Variants in ARHGAP15 observed in about 807,000 individuals in gnomAD.
ARHGAP15 encodes rho GTPase-activating protein 15.
A neutral mutation model predicts 63.7 loss-of-function variants in ARHGAP15; 51 were observed. The observed-to-expected ratio is 0.80, with a 90% CI of 0.64 to 1.01. ARHGAP15 has a LOEUF of 1.01. ARHGAP15 is among the 50% of genes least tolerant of loss of function. The probability of loss-of-function intolerance (pLI) is 0.00; values close to 1 mark genes in which losing one functional copy is unlikely to be tolerated. For missense variants in ARHGAP15, 560 were observed against 564.6 expected, an observed-to-expected ratio of 0.99 and a Z score of 0.08; for synonymous variants, 191 against 193.8, an observed-to-expected ratio of 0.99 and a Z score of 0.12.
chr2:143,638,564 G>C (rs1292949260), intron 12 of ARHGAP15, among the ~76,000 whole-genome samples: 1 of 149,648 alleles, frequency 6.7e-6, no homozygotes, highest in Non-Finnish European at 1.5e-5. Flanking sequence ...TGACGAGTTA[G>C]TGGGTGCAGC....
At chr2:143,475,801 A>G (rs1333678012) in intron 8 of ARHGAP15, among the ~76,000 whole-genome samples, 3 of 152,272 alleles carry the variant, frequency 2.0e-5, no homozygotes, top group African/African-American at 7.2e-5. Context: ...ATCGTTGTCT[A>G]GAACATTCAA....
intron 6 of ARHGAP15, among the ~76,000 whole-genome samples, chr2:143,286,617 C>A (rs540889799): frequency 1.3e-5 from 2 of 152,192 alleles, no homozygotes; most frequent in East Asian, 3.9e-4. Flanking sequence ...GAAAAATTGC[C>A]ATGGTTCTAA....
chr2:143,171,952 C>T (rs1233980935), intron 2 of ARHGAP15: 3 of 152,110 alleles, frequency 2.0e-5, no homozygotes, highest in Non-Finnish European at 4.4e-5. Context: ...TTTCTCCACT[C>T]ACCATCTTTA....
intron 6 of ARHGAP15, among the ~76,000 whole-genome samples, chr2:143,357,220 AAC>A (rs1685849141): frequency 6.6e-6 from 1 of 152,190 alleles, no homozygotes; most frequent in Non-Finnish European, 1.5e-5. Flanking sequence ...TCAGGCAGAC[AAC>A]AGTTTAAGTA....
Position 143,202,218 on chromosome 2 carries a change from A to T in ARHGAP15, c.234+16A>T. 1 of 1,593,398 alleles carries T rather than the reference A, an allele frequency of 6.3e-7. No individual in the cohort carries two copies. The highest frequency in any genetic ancestry group is 8.6e-7 in the Non-Finnish European group (1 of 1,161,650). ...GGAACAACTGGTGAGTGTTTAAGTC[A>T]TTATATTCTTCATCTACTGATACAA... On this transcript the variant is annotated intron_variant, in intron 3 of 13. Coordinates refer to ENST00000295095, the MANE Select transcript of ARHGAP15 (RefSeq NM_018460.4).
intron 6 of ARHGAP15, among the ~76,000 whole-genome samples, chr2:143,423,184 T>TC (rs2105057771): frequency 6.6e-6 from 1 of 152,252 alleles, no homozygotes; most frequent in East Asian, 1.9e-4. Flanking sequence ...TGATACAACC[T>TC]TAGAAGGCAG....
chr2:143,478,305 T>C (rs893024589), intron 8 of ARHGAP15, among the ~76,000 whole-genome samples: 3 of 152,204 alleles, frequency 2.0e-5, no homozygotes, highest in African/African-American at 7.2e-5. Flanking sequence ...TTACCTAAGA[T>C]GACTCTTTTT....
At chr2:143,616,414 T>C (rs550840278) in intron 11 of ARHGAP15, among the ~76,000 whole-genome samples, 1 of 152,222 alleles carries the variant, frequency 6.6e-6, no homozygotes, top group Admixed American at 6.5e-5. Context: ...TCCACCTCCT[T>C]CCAAGAGAGT....
intron 2 of ARHGAP15, among the ~76,000 whole-genome samples, chr2:143,173,268 T>C (rs773154874): frequency 3.9e-5 from 6 of 152,094 alleles, no homozygotes; most frequent in African/African-American, 1.4e-4. Context: ...TATAATCATA[T>C]ACAAATATGC....
intron 6 of ARHGAP15, among the ~76,000 whole-genome samples, chr2:143,358,959 T>C (rs548862784): frequency 7.2e-5 from 11 of 151,840 alleles, no homozygotes; most frequent in African/African-American, 2.7e-4. Context: ...TGCATACATA[T>C]CTAGTAAATT....
rs1157527108 is a variant in ARHGAP15, at chr2:143,366,209, A to AT, written c.475-69386dup. Among the ~76,000 whole-genome samples the AT allele has an allele frequency of 9.9e-5, 15 of 151,780 alleles. No homozygotes were observed. The South Asian group carries it at 2.3e-3, about 23-fold the overall frequency. On this transcript the variant is annotated intron_variant, in intron 6 of 13. Coordinates refer to ENST00000295095, the MANE Select transcript of ARHGAP15 (RefSeq NM_018460.4). The stretch of plus-strand genomic sequence containing the variant: ...GTATCCTCACAGCATTAAATATGCT[A>AT]TTTTTTCAAGTAACAGATCCTGTAT...
intron 11 of ARHGAP15, among the ~76,000 whole-genome samples, chr2:143,619,482 A>G (rs2105232805): frequency 6.6e-6 from 1 of 152,272 alleles, no homozygotes; most frequent in Non-Finnish European, 1.5e-5. Context: ...ACCAAAATGG[A>G]TTTAAGATAA....
At chr2:143,141,251 G>A (rs1689350233) in intron 1 of ARHGAP15, among the ~76,000 whole-genome samples, 1 of 152,052 alleles carries the variant, frequency 6.6e-6, no homozygotes, top group South Asian at 2.1e-4. Context: ...TCATGGCCTG[G>A]GGGAGTTCAA....
intron 10 of ARHGAP15, among the ~76,000 whole-genome samples, chr2:143,534,428 C>T (rs1694659280): frequency 6.6e-6 from 1 of 152,136 alleles, no homozygotes; most frequent in Non-Finnish European, 1.5e-5. Context: ...CAGACAACGC[C>T]ACATACAGTA....
intron 12 of ARHGAP15, among the ~76,000 whole-genome samples, chr2:143,671,447 A>G (rs1389542904): frequency 6.6e-6 from 1 of 152,152 alleles, no homozygotes; most frequent in African/African-American, 2.4e-5. Context: ...TTGGTGAGAA[A>G]AGTGAAGGAT....
intron 1 of ARHGAP15, among the ~76,000 whole-genome samples, chr2:143,146,021 G>A (rs1689573708): frequency 6.6e-6 from 1 of 151,804 alleles, no homozygotes; most frequent in Non-Finnish European, 1.5e-5. Context: ...AGGAAATCAT[G>A]GGAATAGTCT....
chr2:143,421,895 G>GA (rs745811228), intron 6 of ARHGAP15, among the ~76,000 whole-genome samples: 1 of 151,468 alleles, frequency 6.6e-6, no homozygotes, highest in Admixed American at 6.6e-5. Context: ...GAGAGAAAGA[G>GA]AAAGGGGGGG....
At chr2:143,733,495 A>G (rs979142011) in intron 13 of ARHGAP15, among the ~76,000 whole-genome samples, 10 of 152,134 alleles carry the variant, frequency 6.6e-5, no homozygotes, top group African/African-American at 2.2e-4. Context: ...AAGAACCCAG[A>G]CTTCAATTCC....
intron 13 of ARHGAP15, among the ~76,000 whole-genome samples, chr2:143,725,942 T>A (rs1476063647): frequency 6.6e-6 from 1 of 152,250 alleles, no homozygotes; most frequent in Non-Finnish European, 1.5e-5. Flanking sequence ...GCTATATGGC[T>A]TGTAAAAGTT....
Sources: allele counts gnomAD v4.1 joint callset (sites outside exome capture counted in the v4.1 genomes callset), GRCh38; gene constraint gnomAD v4.1.1; transcripts MANE v1.5; gene names NCBI Gene and HGNC (gene_info 2026-07-23, HGNC 2026-07-21).